NALCN: variants seen among roughly 807,000 people sequenced by gnomAD.
NALCN encodes the protein sodium leak channel, non-selective, also known as sodium leak channel NALCN.
Under a neutral mutation model 225.3 loss-of-function variants are expected in NALCN, and 111 were observed. That is an observed-to-expected ratio of 0.49 (90% confidence interval 0.42 to 0.58). The LOEUF is 0.58. Among genes scored for constraint, NALCN ranks in the 20% least tolerant of loss-of-function variants. The pLI is 0.00. For synonymous variants in NALCN, 764 were observed against 769.0 expected (o/e 0.99, Z 0.11); for missense variants, 1,378 against 2,202.4 (o/e 0.63, Z 7.49).
intron 9 of NALCN, among the ~76,000 whole-genome samples, chr13:101,290,056 A>G (rs887794305): frequency 6.6e-6 from 1 of 152,132 alleles, no homozygotes; most frequent in East Asian, 1.9e-4. Context: ...GTTTTTCACA[A>G]TTCTCTGTAT....
intron 6 of NALCN, chr13:101,369,041 T>C (rs2046462715): frequency 2.9e-6 from 1 of 342,558 alleles, no homozygotes; most frequent in African/African-American, 2.2e-5. Context: ...TATTGATAGA[T>C]TCTTGAAATG....
In NALCN at chr13:101,265,469, G is replaced by A. The variant is rs182530923; in HGVS notation, c.1135-6895C>T. The stretch of plus-strand genomic sequence containing the variant: ...ACAACAAGAAAGGTCACTTTTTCCC[G>A]CATTGATTCTGAGTCCTGCCATGAA... On this transcript the variant is annotated intron_variant, in intron 10 of 43. Transcript: ENST00000251127. 1.7e-3 allele frequency among the ~76,000 whole-genome samples: 261 copies of A among 152,250 alleles called. 1 individual carries two copies. Among genetic ancestry groups the A allele is most frequent in the Middle Eastern group, 6.8e-3 (2 of 294 alleles).
At chr13:101,130,096 C>T (rs527733556) in intron 17 of NALCN, among the ~76,000 whole-genome samples, 6 of 152,184 alleles carry the variant, frequency 3.9e-5, no homozygotes, top group Admixed American at 2.0e-4. Flanking sequence ...ATACGTGCCA[C>T]GTTTTCTTTA....
At chr13:101,165,660 G>A (rs2139887758) in intron 15 of NALCN, among the ~76,000 whole-genome samples, 1 of 152,306 alleles carries the variant, frequency 6.6e-6, no homozygotes, top group South Asian at 2.1e-4. Context: ...ATTTTTAGTA[G>A]AGACAGGGTG....
chr13:101,086,043 G>A (rs2033913784), intron 30 of NALCN, among the ~76,000 whole-genome samples: 1 of 151,772 alleles, frequency 6.6e-6, no homozygotes, highest in Non-Finnish European at 1.5e-5. Context: ...AATGATTGTA[G>A]CTTACTTTCT....
Position 101,067,990 on chromosome 13 carries a change from C to T in NALCN, c.4374G>A (p.Glu1458=). ...GATCATTGTAACTTAAAAGCTGGTC[C>T]TCCTCAGTGGAATAAAACAAGGAGA... is the stretch of plus-strand genomic sequence containing the variant. ...ENFSLFYSTE[E]DQLLSYNDLR... Residue 1458 remains glutamate (E), a synonymous_variant, in exon 39 of 44, where the codon GAG becomes GAA. Transcript: ENST00000251127. 6.2e-7 allele frequency: 1 copy of T among 1,612,628 alleles called. No homozygotes were observed. The highest frequency in any genetic ancestry group is 8.5e-7 in the Non-Finnish European group (1 of 1,179,602).
Position 101,378,595 on chromosome 13 carries a change from CAAAA to C in NALCN, c.346_349del (p.Phe116AlafsTer16). ...CTGTAGCACCAAAGAAACCCAAAGG[CAAAA>C]GACCATAAATCCATCAAAAACACAC... On this transcript the variant is annotated frameshift_variant, in exon 4 of 44. Transcript: ENST00000251127. LOFTEE classifies it high-confidence loss of function. 1 of 1,608,664 alleles carries C rather than the reference CAAAA, an allele frequency of 6.2e-7. No individual in the cohort carries two copies. The highest frequency in any genetic ancestry group is 1.7e-5 in the Admixed American group (1 of 59,698).
chr13:101,343,673 T>C (rs1367969706), intron 7 of NALCN, among the ~76,000 whole-genome samples: 1 of 152,182 alleles, frequency 6.6e-6, no homozygotes, highest in Non-Finnish European at 1.5e-5. Flanking sequence ...AGTAAGATAA[T>C]TGCTTTAGTA....
chr13:101,372,093 G>A (rs1024384010), intron 6 of NALCN, among the ~76,000 whole-genome samples: 10 of 152,044 alleles, frequency 6.6e-5, no homozygotes, highest in Non-Finnish European at 1.0e-4. Context: ...CTGGCATCCC[G>A]AAGCTAATTA....
chr13:101,181,675 G>A (rs935079879), intron 14 of NALCN, among the ~76,000 whole-genome samples: 2 of 152,060 alleles, frequency 1.3e-5, no homozygotes, highest in Admixed American at 6.5e-5. Flanking sequence ...CTGGGAGGTC[G>A]AGGCTGCAGT....
At position 101,104,722 on chromosome 13, in the gene NALCN, C is replaced by T; in HGVS notation, c.2637-72G>A. On this transcript the variant is annotated intron_variant, in intron 23 of 43. Transcript: ENST00000251127. The surrounding 1 kb of genome is among the most constrained non-coding windows in gnomAD (Gnocchi z 4.2). The stretch of plus-strand genomic sequence containing the variant: ...GGCTTCTAAGAGTTAGAGATGATGG[C>T]TTCTGTGGCTCTATCAACATGACTG... 1 of 1,595,362 alleles carries T rather than the reference C, an allele frequency of 6.3e-7. No homozygotes were observed.
intron 12 of NALCN, among the ~76,000 whole-genome samples, chr13:101,231,674 T>A (rs1287479825): frequency 6.6e-6 from 1 of 152,268 alleles, no homozygotes; most frequent in Non-Finnish European, 1.5e-5. Context: ...GATTTTTTGA[T>A]GTCAATAAGA....
At chr13:101,121,037 T>C (rs893930826) in intron 18 of NALCN, among the ~76,000 whole-genome samples, 2 of 152,178 alleles carry the variant, frequency 1.3e-5, no homozygotes, top group Admixed American at 1.3e-4. Flanking sequence ...CTTACTGGAA[T>C]AAGTATTAAA....
intron 14 of NALCN, chr13:101,181,148 C>T (rs533459112): frequency 2.9e-5 from 15 of 518,722 alleles, no homozygotes; most frequent in East Asian, 2.2e-4. Context: ...TCCCAAGCCA[C>T]GCAGATGCCA....
At chr13:101,078,868 C>T (rs1367404781) in intron 34 of NALCN, among the ~76,000 whole-genome samples, 1 of 152,162 alleles carries the variant, frequency 6.6e-6, no homozygotes, top group African/African-American at 2.4e-5. Context: ...TTGTAGTTCC[C>T]ATTATCTCCA....
chr13:101,286,607 C>T (rs564228888), intron 9 of NALCN, among the ~76,000 whole-genome samples: 3 of 152,128 alleles, frequency 2.0e-5, no homozygotes, highest in Non-Finnish European at 2.9e-5. Flanking sequence ...TCATCGCATA[C>T]GTCACCTAAG....
At chr13:101,186,227 CCT>C (rs1483642477) in intron 14 of NALCN, among the ~76,000 whole-genome samples, 3 of 152,194 alleles carry the variant, frequency 2.0e-5, no homozygotes, top group African/African-American at 7.2e-5. Context: ...TGTACACATG[CCT>C]CTCTTACCAT....
At chr13:101,394,454 A>T (rs1396975937) in intron 3 of NALCN, among the ~76,000 whole-genome samples, 1 of 152,134 alleles carries the variant, frequency 6.6e-6, no homozygotes, top group Non-Finnish European at 1.5e-5. Flanking sequence ...CATTTGTCAA[A>T]CTCTAAAATC....
At chr13:101,334,649 CCG>C (rs1322044232) in intron 7 of NALCN, among the ~76,000 whole-genome samples, 1 of 152,130 alleles carries the variant, frequency 6.6e-6, no homozygotes, top group East Asian at 1.9e-4. Context: ...AAAAAGTAAA[CCG>C]CCAGCTATCT....
Sources: allele counts gnomAD v4.1 joint callset (sites outside exome capture counted in the v4.1 genomes callset), GRCh38; gene constraint gnomAD v4.1.1; non-coding constraint Gnocchi (gnomAD v3.1); transcripts MANE v1.5; gene names NCBI Gene and HGNC (gene_info 2026-07-23, HGNC 2026-07-21).